DGKB: variants seen among roughly 807,000 people sequenced by gnomAD.
DGKB encodes the protein 90 kDa diacylglycerol kinase.
In DGKB, 67 loss-of-function variants were observed where a neutral mutation model predicts 114.3. The observed-to-expected ratio is 0.59, with a 90% CI of 0.48 to 0.72. The LOEUF (loss-of-function observed/expected upper bound fraction) is 0.72. Among genes scored for constraint, DGKB ranks in the 30% least tolerant of loss-of-function variants. DGKB has a pLI of 0.00. For missense variants in DGKB, 907 were observed against 975.2 expected (o/e 0.93, Z 0.93); for synonymous variants, 398 against 323.1 (o/e 1.23, Z -2.49).
chr7:14,412,594 G>A (rs1825066558), intron 21 of DGKB, among the ~76,000 whole-genome samples: 1 of 152,172 alleles, frequency 6.6e-6, no homozygotes, highest in Admixed American at 6.6e-5. Flanking sequence ...AAAATACACT[G>A]TTAAGGAGAG....
At chr7:14,937,394 G>C (rs1376767750) in intron 1 of DGKB, among the ~76,000 whole-genome samples, 1 of 151,474 alleles carries the variant, frequency 6.6e-6, no homozygotes, top group Admixed American at 6.6e-5. Flanking sequence ...GCATAATATG[G>C]GCAAATCAGC....
chr7:14,901,044 C>T (rs904645214), intron 1 of DGKB, among the ~76,000 whole-genome samples: 1 of 152,092 alleles, frequency 6.6e-6, no homozygotes, highest in African/African-American at 2.4e-5. Context: ...ATATTCCCTG[C>T]ATTATATTTT....
upstream of DGKB, among the ~76,000 whole-genome samples, chr7:14,906,447 C>CTTTTTT (rs34250901): frequency 1.8e-3 from 191 of 103,816 alleles, no homozygotes; most frequent in Non-Finnish European, 3.0e-3. Flanking sequence ...TTTTTTCTGT[C>CTTTTTT]TTTTTTTTTT....
chr7:14,335,549 G>C (rs946497627), intron 23 of DGKB, among the ~76,000 whole-genome samples: 7 of 152,018 alleles, frequency 4.6e-5, no homozygotes, highest in African/African-American at 1.7e-4. Flanking sequence ...ATTACGTTAA[G>C]TTTTTCATTT....
At chr7:14,390,215 T>C (rs1583591356) in intron 21 of DGKB, among the ~76,000 whole-genome samples, 1 of 152,344 alleles carries the variant, frequency 6.6e-6, no homozygotes, top group East Asian at 1.9e-4. Flanking sequence ...AATGTTTTTA[T>C]TTAAATACTC....
At chr7:14,327,765 GACA>G (rs1489332551) in intron 23 of DGKB, among the ~76,000 whole-genome samples, 1 of 151,994 alleles carries the variant, frequency 6.6e-6, no homozygotes, top group African/African-American at 2.4e-5. Flanking sequence ...GTGAAAAAAA[GACA>G]ACAATACCGA....
intron 20 of DGKB, among the ~76,000 whole-genome samples, chr7:14,556,028 T>A (rs984468581): frequency 1.1e-4 from 16 of 152,360 alleles, no homozygotes; most frequent in Non-Finnish European, 1.6e-4. Flanking sequence ...CACTTTGTAG[T>A]GAAATTAGTA....
intron 25 of DGKB, among the ~76,000 whole-genome samples, chr7:14,151,655 T>C (rs958907550): frequency 2.0e-5 from 3 of 152,086 alleles, no homozygotes; most frequent in African/African-American, 4.8e-5. Flanking sequence ...CTTGCTTGTT[T>C]AATCATTTCT....
At chr7:14,555,382 C>G (rs139542109) in intron 20 of DGKB, among the ~76,000 whole-genome samples, 1 of 152,200 alleles carries the variant, frequency 6.6e-6, no homozygotes, top group Non-Finnish European at 1.5e-5. Context: ...GGAAATTGAC[C>G]ATTGTAGGAC....
chr7:14,542,938 T>C (rs1397290157), intron 20 of DGKB, among the ~76,000 whole-genome samples: 3 of 152,090 alleles, frequency 2.0e-5, no homozygotes, highest in Non-Finnish European at 2.9e-5. Flanking sequence ...AAAACGGAGA[T>C]GGGTTCATTT....
chr7:14,539,872 G>C (rs911307658), intron 20 of DGKB, among the ~76,000 whole-genome samples: 1 of 151,828 alleles, frequency 6.6e-6, no homozygotes, highest in Non-Finnish European at 1.5e-5. Context: ...ATAATACTCA[G>C]GTTTTTATTA....
intron 23 of DGKB, among the ~76,000 whole-genome samples, chr7:14,188,689 C>T (rs940041788): frequency 6.9e-6 from 1 of 144,980 alleles, no homozygotes; most frequent in Non-Finnish European, 1.5e-5. Context: ...AAAAAAAGAT[C>T]CCCAATTACA....
chr7:14,645,635 A>G (rs958818647), intron 13 of DGKB, among the ~76,000 whole-genome samples: 3 of 152,086 alleles, frequency 2.0e-5, no homozygotes, highest in Admixed American at 6.6e-5. Flanking sequence ...TAGACTAACA[A>G]CACACTTCTC....
intron 2 of DGKB, among the ~76,000 whole-genome samples, chr7:14,759,417 T>C (rs1159815766): frequency 6.6e-6 from 1 of 152,172 alleles, no homozygotes; most frequent in Non-Finnish European, 1.5e-5. Context: ...TCCCTGTATT[T>C]TCTCCCCTCT....
At chr7:14,527,662 C>G (rs148830970) in intron 20 of DGKB, among the ~76,000 whole-genome samples, 1 of 151,856 alleles carries the variant, frequency 6.6e-6, no homozygotes, top group Non-Finnish European at 1.5e-5. Context: ...TAATTTTTGT[C>G]GGGTTTAAGA....
At chr7:14,936,923 G>A (rs768789455) in intron 1 of DGKB, among the ~76,000 whole-genome samples, 6 of 151,726 alleles carry the variant, frequency 4.0e-5, no homozygotes, top group Non-Finnish European at 5.9e-5. Flanking sequence ...TCCCTGCCCC[G>A]TCTTTGTTTC....
intron 25 of DGKB, among the ~76,000 whole-genome samples, chr7:14,172,017 G>C (rs1306338254): frequency 2.6e-5 from 4 of 152,124 alleles, no homozygotes; most frequent in African/African-American, 4.8e-5. Flanking sequence ...GAGCTTTTAG[G>C]CTATTTGGAG....
At chr7:14,560,489 C>T (rs1249431528) in intron 20 of DGKB, among the ~76,000 whole-genome samples, 1 of 152,122 alleles carries the variant, frequency 6.6e-6, no homozygotes, top group Non-Finnish European at 1.5e-5. Context: ...TTTATTTCAT[C>T]TAGGATAATG....
intron 6 of DGKB, among the ~76,000 whole-genome samples, chr7:14,711,530 T>G (rs1210341907): frequency 6.6e-6 from 1 of 152,054 alleles, no homozygotes; most frequent in African/African-American, 2.4e-5. Context: ...AGAGATGAAA[T>G]AGGTATAAAT....
Sources: gnomAD v4.1 joint callset for allele counts (sites outside exome capture counted in the v4.1 genomes callset) on GRCh38, gnomAD v4.1.1 for gene constraint, MANE v1.5 for transcripts, NCBI Gene and HGNC (gene_info 2026-07-23, HGNC 2026-07-21) for gene names.